FBXL7: variants seen among roughly 807,000 people sequenced by gnomAD.
FBXL7 encodes F-box and leucine rich repeat protein 7.
Under a neutral mutation model 38.3 loss-of-function variants are expected in FBXL7, and 12 were observed. That is an observed-to-expected ratio of 0.31 (90% CI 0.20 to 0.51). The LOEUF is 0.51. FBXL7 is among the 20% of genes least tolerant of loss of function. The pLI is 0.98. For missense variants in FBXL7, 567 were observed against 676.4 expected (o/e 0.84, Z 1.79); for synonymous variants, 297 against 300.9 (o/e 0.99, Z 0.13).
intron 3 of FBXL7, among the ~76,000 whole-genome samples, chr5:15,934,252 G>A (rs552104803): frequency 6.6e-4 from 100 of 152,248 alleles, no homozygotes; most frequent in South Asian, 2.1e-3. Flanking sequence ...CAATCCACCC[G>A]CCTGGGCCTC....
At chr5:15,709,938 G>A (rs941524374) in intron 2 of FBXL7, among the ~76,000 whole-genome samples, 2 of 152,160 alleles carry the variant, frequency 1.3e-5, no homozygotes, top group Non-Finnish European at 2.9e-5. Flanking sequence ...AGCAGAGCCT[G>A]TATGACAATC....
At chr5:15,554,619 A>C (rs1410604221) in intron 1 of FBXL7, among the ~76,000 whole-genome samples, 3 of 152,174 alleles carry the variant, frequency 2.0e-5, no homozygotes, top group Non-Finnish European at 4.4e-5. Flanking sequence ...CTTGCCTGAG[A>C]GTTCTTTACA....
intron 2 of FBXL7, among the ~76,000 whole-genome samples, chr5:15,622,339 A>G (rs1412114526): frequency 6.6e-6 from 1 of 151,422 alleles, no homozygotes; most frequent in Non-Finnish European, 1.5e-5. Flanking sequence ...CACAATGTGC[A>G]GGTTTGTTAC....
At chr5:15,933,779 T>C (rs2126469150) in intron 3 of FBXL7, among the ~76,000 whole-genome samples, 1 of 152,242 alleles carries the variant, frequency 6.6e-6, no homozygotes, top group Admixed American at 6.5e-5. Context: ...AGGTCCTCGT[T>C]AGCACTTTTG....
chr5:15,780,422 A>G (rs1049587045), intron 2 of FBXL7, among the ~76,000 whole-genome samples: 1 of 152,184 alleles, frequency 6.6e-6, no homozygotes, highest in African/African-American at 2.4e-5. Context: ...CATAATTTGA[A>G]TTGGAATTGC....
intron 2 of FBXL7, among the ~76,000 whole-genome samples, chr5:15,787,205 A>C (rs994220455): frequency 2.0e-5 from 3 of 152,200 alleles, no homozygotes; most frequent in African/African-American, 4.8e-5. Context: ...AGCTCGATAT[A>C]ATTTGTTATG....
chr5:15,633,779 T>TA (rs1193797041), intron 2 of FBXL7, among the ~76,000 whole-genome samples: 5 of 137,732 alleles, frequency 3.6e-5, no homozygotes, highest in African/African-American at 8.2e-5. Context: ...TTATTATTAT[T>TA]TTATTATTTT....
At chr5:15,689,482 G>C (rs1342205818) in intron 2 of FBXL7, among the ~76,000 whole-genome samples, 1 of 152,058 alleles carries the variant, frequency 6.6e-6, no homozygotes, top group African/African-American at 2.4e-5. Flanking sequence ...TACCTGCGGT[G>C]TACACATTTT....
chr5:15,617,386 T>TG (rs1740489093), intron 2 of FBXL7, among the ~76,000 whole-genome samples: 1 of 152,124 alleles, frequency 6.6e-6, no homozygotes, highest in African/African-American at 2.4e-5. Flanking sequence ...GAAATTCAGT[T>TG]AAGGTAATGT....
At chr5:15,612,500 TGA>T (rs1580406044) in intron 1 of FBXL7, among the ~76,000 whole-genome samples, 1 of 152,300 alleles carries the variant, frequency 6.6e-6, no homozygotes, top group East Asian at 1.9e-4. Flanking sequence ...CACGTGTGTC[TGA>T]GAAGTTTCTC....
chr5:15,597,946 A>G (rs1739673107), intron 1 of FBXL7, among the ~76,000 whole-genome samples: 2 of 152,216 alleles, frequency 1.3e-5, no homozygotes, highest in Admixed American at 6.5e-5. Flanking sequence ...TTCCAGTTTC[A>G]GGCAAGATTT....
At chr5:15,744,783 A>T (rs1390156677) in intron 2 of FBXL7, among the ~76,000 whole-genome samples, 2 of 152,040 alleles carry the variant, frequency 1.3e-5, no homozygotes, top group African/African-American at 4.8e-5. Flanking sequence ...ATAGTTTTGC[A>T]TGGCTGGGGA....
intron 2 of FBXL7, among the ~76,000 whole-genome samples, chr5:15,873,031 G>A (rs923049152): frequency 3.9e-5 from 6 of 152,148 alleles, no homozygotes; most frequent in African/African-American, 1.4e-4. Context: ...ATAATTGGAA[G>A]TAAAACACTC....
At chr5:15,540,605 A>G (rs900085440) in intron 1 of FBXL7, among the ~76,000 whole-genome samples, 27 of 152,334 alleles carry the variant, frequency 1.8e-4, no homozygotes, top group African/African-American at 6.3e-4. Flanking sequence ...AAGATGCTAT[A>G]ACAAAGTACC....
chr5:15,708,310 C>T (rs1743753476), intron 2 of FBXL7, among the ~76,000 whole-genome samples: 1 of 152,216 alleles, frequency 6.6e-6, no homozygotes, highest in Admixed American at 6.5e-5. Context: ...GGAATTGGGT[C>T]TCTCACTGGG....
chr5:15,752,977 C>T lies in FBXL7; in HGVS notation c.127+136905C>T, dbSNP rs537418089. ...ATCTTTGTTTTCAGCAAAATGTTGA[C>T]GTTAGGGCAAAGTTGTTTTTGTGGC... On this transcript the variant is annotated intron_variant, in intron 2 of 3. Coordinates refer to ENST00000504595, the MANE Select transcript of FBXL7 (RefSeq NM_012304.5). 1.2e-4 allele frequency among the ~76,000 whole-genome samples: 19 copies of T among 152,270 alleles called. No homozygotes were observed. In the East Asian group the frequency reaches 3.3e-3, roughly 26 times the overall value.
At chr5:15,772,531 T>C (rs1242979971) in intron 2 of FBXL7, among the ~76,000 whole-genome samples, 1 of 152,076 alleles carries the variant, frequency 6.6e-6, no homozygotes, top group East Asian at 1.9e-4. Flanking sequence ...GAGTCAGAGG[T>C]TTTACAGTCA....
intron 1 of FBXL7, among the ~76,000 whole-genome samples, chr5:15,513,639 C>A (rs73751958): frequency 6.6e-6 from 1 of 152,284 alleles, no homozygotes; most frequent in Non-Finnish European, 1.5e-5. Flanking sequence ...CTGCATGACA[C>A]GAGCCTGGGT....
In FBXL7 at chr5:15,936,077, C is replaced by T. The variant is rs1425003282; in HGVS notation, c.740-373C>T. On this transcript the variant is annotated intron_variant, in intron 3 of 3. Transcript: ENST00000504595. The surrounding 1 kb of genome is among the most constrained non-coding windows in gnomAD (Gnocchi z 6.0). The stretch of plus-strand genomic sequence containing the variant: ...GCCAAGGCAAGATATTTACACACAT[C>T]CTCTCATTACTCCATCCCAGCTGCC... Among the ~76,000 whole-genome samples the T allele has an allele frequency of 6.6e-6, 1 of 152,174 alleles. No homozygotes were observed. Among genetic ancestry groups the T allele is most frequent in the Non-Finnish European group, 1.5e-5 (1 of 68,048 alleles).
Sources: allele counts gnomAD v4.1 joint callset (sites outside exome capture counted in the v4.1 genomes callset), GRCh38; gene constraint gnomAD v4.1.1; non-coding constraint Gnocchi (gnomAD v3.1); transcripts MANE v1.5; gene names NCBI Gene and HGNC (gene_info 2026-07-23, HGNC 2026-07-21).